CNKSR3: variants seen among roughly 807,000 people sequenced by gnomAD.
CNKSR3 encodes connector enhancer of kinase suppressor of ras 3.
In CNKSR3, 36 loss-of-function variants were observed where a neutral mutation model predicts 67.7. That is an observed-to-expected ratio of 0.53 (90% confidence interval 0.41 to 0.70). The LOEUF (loss-of-function observed/expected upper bound fraction) is 0.70. CNKSR3 is among the 30% of genes least tolerant of loss of function. The pLI is 0.00. For synonymous variants in CNKSR3, 281 were observed against 271.4 expected, an observed-to-expected ratio of 1.04 and a Z score of -0.35; for missense variants, 630 against 695.2, an observed-to-expected ratio of 0.91 and a Z score of 1.05.
chr6:154,402,727 T>C lies in CNKSR3; in HGVS notation c.*3627A>G, dbSNP rs965777471. On this transcript the variant is annotated 3_prime_UTR_variant, in exon 13 of 13. Transcript: ENST00000607772. ...TATGCCTAGAACTTTATCTAAAGAA[T>C]TGGCCACATTTTAGAAAATCATACT... is the stretch of plus-strand genomic sequence containing the variant. 1 of 152,298 alleles carries C rather than the reference T, an allele frequency of 6.6e-6. No homozygotes were observed. The highest frequency in any genetic ancestry group is 2.1e-4 in the South Asian group (1 of 4,822). The allele number at this position is 152,298 out of a possible 1,614,324, so 9.4% of individuals were successfully genotyped here.
At chr6:154,492,745 C>CAAAAAAAAAAAAAA (rs71268487) in intron 1 of CNKSR3, among the ~76,000 whole-genome samples, 1 of 113,786 alleles carries the variant, frequency 8.8e-6, no homozygotes, top group African/African-American at 3.1e-5. Flanking sequence ...GACTCTGTCT[C>CAAAAAAAAAAAAAA]AAAAAAAAAA....
intron 1 of CNKSR3, among the ~76,000 whole-genome samples, chr6:154,490,428 C>G (rs1786762064): frequency 6.6e-6 from 1 of 152,180 alleles, no homozygotes; most frequent in East Asian, 1.9e-4. Flanking sequence ...ATGTATTATG[C>G]ATGTATATAT....
At position 154,422,919 on chromosome 6, in the gene CNKSR3, G is replaced by T; in HGVS notation, c.794C>A (p.Thr265Asn). The change falls in exon 8 of 13, where the codon ACT (threonine) becomes AAT (asparagine). Residue 265 changes from threonine (T) to asparagine (N), a missense_variant. Thr to Asn is a moderately conservative substitution (Grantham distance 65). Around this residue, in one of 3 missense-constraint regions of CNKSR3, gnomAD observed 133 missense variants for 190.6 expected, o/e 0.70. Transcript: ENST00000607772. ...GDEVIQVNQQ[T>N]VVGWQLKNLV... ...AGCCTCAATAAACAAACTCACCACA[G>T]TTTGCTGATTAACTTGAATGACTTC... 1 of 1,609,106 alleles carries T rather than the reference G, an allele frequency of 6.2e-7. No homozygotes were observed. The highest frequency in any genetic ancestry group is 8.5e-7 in the Non-Finnish European group (1 of 1,176,134).
intron 1 of CNKSR3, among the ~76,000 whole-genome samples, chr6:154,470,189 T>TG (rs1562347560): frequency 4.4e-3 from 85 of 19,316 alleles, no homozygotes; most frequent in Non-Finnish European, 6.2e-3. Context: ...CTTTCTTTCC[T>TG]TTTTTTTTTT....
At position 154,510,073 on chromosome 6, in the gene CNKSR3, G is replaced by A; in HGVS notation, c.42C>T (p.Asp14=). 1 of 1,614,012 alleles carries A rather than the reference G, an allele frequency of 6.2e-7. No individual in the cohort carries two copies. The highest frequency in any genetic ancestry group is 8.5e-7 in the Non-Finnish European group (1 of 1,179,956). Residue 14 remains aspartate (D), a synonymous_variant, in exon 1 of 13, where the codon GAC becomes GAT. Transcript: ENST00000607772. ...VTKWSPKQVV[D]WTRGLDDCLQ... is the part of the protein sequence containing the mutation. ...CCAAGGCCCGCGCACCTCTAGTCCAGTCCACCACTTGTTTGGGGCTCCACT... is the reference window on the plus strand; with the variant it reads ...CCAAGGCCCGCGCACCTCTAGTCCAATCCACCACTTGTTTGGGGCTCCACT...
At chr6:154,407,401 C>T (rs1265887359) in intron 12 of CNKSR3, among the ~76,000 whole-genome samples, 1 of 152,164 alleles carries the variant, frequency 6.6e-6, no homozygotes, top group Non-Finnish European at 1.5e-5. Flanking sequence ...AAATACAGTA[C>T]ACTTTGGTAA....
At position 154,442,227 on chromosome 6, in the gene CNKSR3, T is replaced by A; in HGVS notation, c.280A>T (p.Asn94Tyr). ...CGGCTACTTATGTAATTCTGTAAAT[T>A]GTGGGAAGATGCTCTCAGTTTCAGA... ...LVLKLRASSHNLQNYISSRRK... is the reference protein window; with the variant it reads ...LVLKLRASSHYLQNYISSRRK... The change falls in exon 3 of 13, where the codon AAT becomes TAT. Residue 94 changes from asparagine to tyrosine, a missense_variant. Physicochemically the swap from Asn to Tyr is moderately radical, Grantham distance 143. Around this residue, in one of 3 missense-constraint regions of CNKSR3, gnomAD observed 189 missense variants for 205.0 expected, o/e 0.92. Transcript: ENST00000607772. 1 of 1,614,172 alleles carries A rather than the reference T, an allele frequency of 6.2e-7. No individual in the cohort carries two copies. The highest frequency in any genetic ancestry group is 1.1e-5 in the South Asian group (1 of 91,076).
At position 154,403,453 on chromosome 6, in the gene CNKSR3, C is replaced by T. The variant is rs1784738650; in HGVS notation, c.*2901G>A. 6.6e-6 allele frequency: 1 copy of T among 151,680 alleles called. No homozygotes were observed. Among genetic ancestry groups the T allele is most frequent in the Non-Finnish European group, 1.5e-5 (1 of 67,932 alleles). The allele number at this position is 151,680 out of a possible 1,614,324, so 9.4% of individuals were successfully genotyped here. On this transcript the variant is annotated 3_prime_UTR_variant, in exon 13 of 13. Transcript: ENST00000607772. ...TTTAAAGAAATAAAAATAAAGAATC[C>T]TGTCAAAAAGCATCATCAAGCAACT...
At chr6:154,436,920 C>G (rs950974259) in intron 4 of CNKSR3, among the ~76,000 whole-genome samples, 4 of 152,016 alleles carry the variant, frequency 2.6e-5, no homozygotes, top group African/African-American at 9.7e-5. Flanking sequence ...GTGCAGTTTC[C>G]TTGCAGGAGA....
intron 9 of CNKSR3, among the ~76,000 whole-genome samples, chr6:154,420,347 G>A (rs1785114905): frequency 6.6e-6 from 1 of 152,100 alleles, no homozygotes; most frequent in South Asian, 2.1e-4. Context: ...TAGCCAGGAA[G>A]AATAAGCTCA....
Position 154,405,341 on chromosome 6 carries a change from T to G in CNKSR3, c.*1013A>C, listed in dbSNP as rs1265686723. On this transcript the variant is annotated 3_prime_UTR_variant, in exon 13 of 13. Transcript: ENST00000607772. The stretch of plus-strand genomic sequence containing the variant: ...TACAACTATATTTAAAATACTTAAA[T>G]TAACAAGATAGTACTTTTCCATTCT... 1 of 152,660 alleles carries G rather than the reference T, an allele frequency of 6.6e-6. No individual in the cohort carries two copies. Among genetic ancestry groups the G allele is most frequent in the Non-Finnish European group, 1.5e-5 (1 of 68,052 alleles). 9.5% of individuals were successfully genotyped at this position (152,660 alleles called of 1,614,324 possible).
chr6:154,455,879 CA>C (rs11350466), intron 1 of CNKSR3, among the ~76,000 whole-genome samples: 100,368 of 151,872 alleles, frequency 0.66, 33,422 homozygotes, highest in East Asian at 0.87. Context: ...CTCTCAGTAT[CA>C]GTCTTTGACA....
intron 1 of CNKSR3, among the ~76,000 whole-genome samples, chr6:154,503,550 C>A (rs1459909283): frequency 6.6e-6 from 1 of 151,556 alleles, no homozygotes; most frequent in African/African-American, 2.4e-5. Flanking sequence ...ATCACTCAAG[C>A]CTCAAGCCCT....
At chr6:154,450,022 A>C in intron 2 of CNKSR3, 73 bp downstream of exon 2, 2 of 1,423,202 alleles carry the variant, frequency 1.4e-6, no homozygotes, top group Non-Finnish European at 1.9e-6. Context: ...CTAAATCACA[A>C]ACAATGACGG....
chr6:154,479,758 G>A (rs917946549), intron 1 of CNKSR3, among the ~76,000 whole-genome samples: 5 of 152,136 alleles, frequency 3.3e-5, no homozygotes, highest in South Asian at 2.1e-4. Context: ...GTCCTTTTAC[G>A]TGAGCTTTTA....
chr6:154,414,749 A>G (rs1429609689), intron 9 of CNKSR3: 1 of 531,114 alleles, frequency 1.9e-6, no homozygotes, highest in Admixed American at 2.0e-5. Flanking sequence ...GATACTGATA[A>G]TATCTCTTGC....
intron 1 of CNKSR3, among the ~76,000 whole-genome samples, chr6:154,490,836 ATTTAT>A (rs900278385): frequency 2.0e-5 from 3 of 151,738 alleles, no homozygotes; most frequent in Non-Finnish European, 2.9e-5. Context: ...ACAAGTCTCT[ATTTAT>A]TTTATTTAAA....
rs1009969167 is a variant in CNKSR3 at position 154,503,330 on chromosome 6, G to T, written c.52+6733C>A. On this transcript the variant is annotated intron_variant, in intron 1 of 12. Coordinates refer to ENST00000607772, the MANE Select transcript of CNKSR3 (RefSeq NM_173515.4). ...TGTGTTAAAGATTTTTTTTTAAAGG[G>T]GGGCAGGGGTTGGTCCTGAGCATGG... Among the ~76,000 whole-genome samples the T allele has an allele frequency of 2.0e-5, 3 of 152,016 alleles. No homozygotes were observed. In the East Asian group the frequency reaches 5.8e-4, roughly 29 times the overall value.
intron 1 of CNKSR3, among the ~76,000 whole-genome samples, chr6:154,462,512 T>C (rs1463704396): frequency 1.3e-5 from 2 of 152,306 alleles, no homozygotes; most frequent in East Asian, 3.9e-4. Context: ...CTTCCCTTGC[T>C]CCAAGCCCTA....
Sources: allele counts gnomAD v4.1 joint callset (sites outside exome capture counted in the v4.1 genomes callset), GRCh38; gene constraint gnomAD v4.1.1; regional missense constraint gnomAD v4.1.1; transcripts MANE v1.5; gene names NCBI Gene and HGNC (gene_info 2026-07-23, HGNC 2026-07-21).